NFIC: variants seen among roughly 807,000 people sequenced by gnomAD.
NFIC encodes the protein nuclear factor I C, also known as nuclear factor 1 C-type.
In NFIC, 12 loss-of-function variants were observed where a neutral mutation model predicts 54.4. That is an observed-to-expected ratio of 0.22 (90% CI 0.14 to 0.36). The LOEUF (loss-of-function observed/expected upper bound fraction) is 0.36, where lower values mean the gene tolerates loss of function less well. NFIC is among the 10% of genes least tolerant of loss of function. The probability of loss-of-function intolerance (pLI) is 1.00; values close to 1 mark genes in which losing one functional copy is unlikely to be tolerated. For synonymous variants in NFIC, 322 were observed against 319.2 expected, an observed-to-expected ratio of 1.01 and a Z score of -0.09; for missense variants, 575 against 718.2, an observed-to-expected ratio of 0.80 and a Z score of 2.28.
At position 3,397,347 on chromosome 19, in the gene NFIC, G is replaced by C. The variant is rs779132955; in HGVS notation, c.562+15104G>C. On this transcript the variant is annotated intron_variant, in intron 2 of 10. Coordinates refer to ENST00000443272, the MANE Select transcript of NFIC (RefSeq NM_001245002.2). ...TTGGGGTATGGCAGGGACTGCCCTG[G>C]AACGTTCCGGATCCTGCCTTTGGGC... Among the ~76,000 whole-genome samples the C allele has an allele frequency of 3.9e-5, 6 of 152,232 alleles. No individual in the cohort carries two copies. The South Asian group carries it at 6.2e-4, about 16-fold the overall frequency.
At chr19:3,359,879 G>A (rs1218748070) in intron 1 of NFIC, among the ~76,000 whole-genome samples, 1 of 150,622 alleles carries the variant, frequency 6.6e-6, no homozygotes, top group Non-Finnish European at 1.5e-5. Context: ...CCGGCTGGGG[G>A]CGGAGCTGGC....
At chr19:3,407,260 C>G (rs949363660) in intron 2 of NFIC, among the ~76,000 whole-genome samples, 1 of 150,258 alleles carries the variant, frequency 6.7e-6, no homozygotes, top group African/African-American at 2.5e-5. Flanking sequence ...ACTACAGGCG[C>G]CCGCCACCAC....
intron 5 of NFIC, among the ~76,000 whole-genome samples, 194 bp downstream of exon 5, chr19:3,434,594 C>T (rs2082169608): frequency 6.6e-6 from 1 of 152,182 alleles, no homozygotes; most frequent in African/African-American, 2.4e-5. Flanking sequence ...CCTGACAGCC[C>T]ACCGTGGGCT....
intron 2 of NFIC, among the ~76,000 whole-genome samples, chr19:3,417,701 C>A (rs566561318): frequency 6.7e-6 from 1 of 149,356 alleles, no homozygotes; most frequent in Admixed American, 6.7e-5. Flanking sequence ...TCTCGGCTCA[C>A]TGCAACCTCT....
Position 3,446,366 on chromosome 19 carries a change from G to A in NFIC, c.959-2648G>A, listed in dbSNP as rs113952407. On this transcript the variant is annotated intron_variant, in intron 6 of 10. Coordinates refer to ENST00000443272, the MANE Select transcript of NFIC (RefSeq NM_001245002.2). ...CAGGGTACTTTTGGTGATGTCTGGGGACATCTGTGGTTGTTACAACCGGGG... is the reference window on the plus strand; with the variant it reads ...CAGGGTACTTTTGGTGATGTCTGGGAACATCTGTGGTTGTTACAACCGGGG... Among the ~76,000 whole-genome samples, 971 of 151,856 alleles carry A rather than the reference G, an allele frequency of 6.4e-3. 5 individuals are homozygous for A. Among genetic ancestry groups the A allele is most frequent in the Non-Finnish European group, 0.01 (689 of 67,932 alleles).
chr19:3,421,347 G>A (rs1028702072), intron 2 of NFIC, among the ~76,000 whole-genome samples: 8 of 152,242 alleles, frequency 5.3e-5, no homozygotes, highest in South Asian at 2.1e-4. Flanking sequence ...ACGGCCTGGC[G>A]CCCGGACGGC....
At chr19:3,433,737 G>A in intron 4 of NFIC, 145 bp downstream of exon 4, 1 of 895,816 alleles carries the variant, frequency 1.1e-6, no homozygotes, top group East Asian at 2.8e-5. Flanking sequence ...AAAGGGAGGT[G>A]GCCAGGCCCT....
intron 9 of NFIC, among the ~76,000 whole-genome samples, chr19:3,456,051 A>G (rs1480767578): frequency 6.6e-6 from 1 of 152,152 alleles, no homozygotes; most frequent in Non-Finnish European, 1.5e-5. Flanking sequence ...AGTTACTCAC[A>G]CGCCGACAAA....
At chr19:3,435,290 G>C in intron 6 of NFIC, 83 bp downstream of exon 6, 1 of 1,433,750 alleles carries the variant, frequency 7.0e-7, no homozygotes, top group Non-Finnish European at 9.2e-7. Flanking sequence ...GCCACTGCGC[G>C]GGCGCCGCGG....
rs2082614042 is a variant in NFIC, at chr19:3,459,796, G to C, written c.1510-2956G>C. Among the ~76,000 whole-genome samples, 1 of 152,244 alleles carries C rather than the reference G, an allele frequency of 6.6e-6. No individual in the cohort carries two copies. The highest frequency in any genetic ancestry group is 2.4e-5 in the African/African-American group (1 of 41,468). The stretch of plus-strand genomic sequence containing the variant: ...GGCCAAGATGAACTTGAACTTGGCT[G>C]GAGGTGGGGCGCTGGGAACCACTGT... On this transcript the variant is annotated intron_variant, in intron 10 of 10. Transcript: ENST00000443272. This position sits in a 1 kb window ranked among gnomAD's most constrained non-coding sequence, Gnocchi z 4.2.
chr19:3,398,450 G>T (rs575929705), intron 2 of NFIC, among the ~76,000 whole-genome samples: 1 of 152,098 alleles, frequency 6.6e-6, no homozygotes, highest in Non-Finnish European at 1.5e-5. Context: ...CTCTGCTCAG[G>T]GTTGTGCAGC....
Position 3,464,081 on chromosome 19 carries a change from C to T in NFIC, c.*1312C>T, listed in dbSNP as rs959152774. ...GCTCTGGGGAAGCCGGTGCGCCCCC[C>T]ACGCCTCCGCTGCCAGTGCCTTACA... On this transcript the variant is annotated 3_prime_UTR_variant, in exon 11 of 11. Coordinates refer to ENST00000443272, the MANE Select transcript of NFIC (RefSeq NM_001245002.2). The T allele has an allele frequency of 5.1e-6, 5 of 985,238 alleles. No homozygotes were observed. The African/African-American group carries it at 7.0e-5, about 14-fold the overall frequency. The allele number at this position is 985,238 out of a possible 1,614,324, so 61.0% of individuals were successfully genotyped here. A position where few individuals can be genotyped will look rare whatever the true frequency, so the allele number is the denominator to read the frequency against.
intron 1 of NFIC, among the ~76,000 whole-genome samples, chr19:3,374,653 CACTAG>C (rs2081074475): frequency 6.6e-6 from 1 of 152,092 alleles, no homozygotes; most frequent in Non-Finnish European, 1.5e-5. Flanking sequence ...AAGGAGGGGA[CACTAG>C]AGATAGGGCG....
chr19:3,452,696 T>C lies in NFIC; in HGVS notation c.1269+30T>C, dbSNP rs1386329283. ...GTTGGGCGGGGCGCATTCGGGCCTC[T>C]CCTGGCGGCTCCAGGTGACCTCCCG... On this transcript the variant is annotated intron_variant, in intron 8 of 10. Transcript: ENST00000443272. The surrounding 1 kb of genome is among the most constrained non-coding windows in gnomAD (Gnocchi z 5.3). 2 of 1,554,712 alleles carry C rather than the reference T, an allele frequency of 1.3e-6. No individual in the cohort carries two copies. Among genetic ancestry groups the C allele is most frequent in the East Asian group, 4.5e-5 (2 of 44,112 alleles).
intron 2 of NFIC, among the ~76,000 whole-genome samples, chr19:3,406,222 A>G (rs1446554038): frequency 6.6e-6 from 1 of 152,040 alleles, no homozygotes; most frequent in Non-Finnish European, 1.5e-5. Flanking sequence ...CCTTCCAAGT[A>G]GCTGGGATTA....
rs1428582995 is a variant in NFIC at position 3,449,048 on chromosome 19, C to G, written c.993C>G (p.Asp331Glu). 1.2e-6 allele frequency: 2 copies of G among 1,613,368 alleles called. No homozygotes were observed. The highest frequency in any genetic ancestry group is 1.1e-5 in the South Asian group (1 of 90,998). ...ISSPVKKTEMDKSPFNSPSPQ... is the reference protein window; with the variant it reads ...ISSPVKKTEMEKSPFNSPSPQ... Reference sequence around the variant, plus strand: ...CCCCGGTGAAGAAGACAGAGATGGACAAGTCACCATTCAACAGCCCGTCCC... The same window carrying G: ...CCCCGGTGAAGAAGACAGAGATGGAGAAGTCACCATTCAACAGCCCGTCCC... Residue 331 changes from aspartate to glutamate, a missense_variant, in exon 7 of 11, where the codon GAC becomes GAG. By Grantham distance (45) the Asp-to-Glu change is conservative. This residue lies in a region of NFIC where 447 missense variants were observed against 526.9 expected (regional missense o/e 0.85). Coordinates refer to ENST00000443272, the MANE Select transcript of NFIC (RefSeq NM_001245002.2).
chr19:3,360,329 C>T (rs1475198966), intron 1 of NFIC, among the ~76,000 whole-genome samples: 1 of 149,046 alleles, frequency 6.7e-6, no homozygotes, highest in African/African-American at 2.4e-5. Context: ...CCGCCCCGCC[C>T]CTCGGCAGAC....
chr19:3,447,136 T>G (rs1599709313), intron 6 of NFIC, among the ~76,000 whole-genome samples: 1 of 151,678 alleles, frequency 6.6e-6, no homozygotes, highest in African/African-American at 2.4e-5. Flanking sequence ...CCATCTCTAC[T>G]AAAAATACAA....
At chr19:3,402,624 A>G (rs896686937) in intron 2 of NFIC, among the ~76,000 whole-genome samples, 10 of 152,154 alleles carry the variant, frequency 6.6e-5, no homozygotes, top group African/African-American at 2.4e-4. Flanking sequence ...GGCAATCACT[A>G]ACTTCCTCTG....
Sources: allele counts gnomAD v4.1 joint callset (sites outside exome capture counted in the v4.1 genomes callset), GRCh38; gene constraint gnomAD v4.1.1; regional missense constraint gnomAD v4.1.1; non-coding constraint Gnocchi (gnomAD v3.1); transcripts MANE v1.5; gene names NCBI Gene and HGNC (gene_info 2026-07-23, HGNC 2026-07-21).